UBE2G1: variants seen among roughly 807,000 people sequenced by gnomAD.
UBE2G1 encodes ubiquitin-conjugating enzyme E2 G1.
Under a neutral mutation model 22.7 loss-of-function variants are expected in UBE2G1, and 5 were observed. That is an observed-to-expected ratio of 0.22 (90% CI 0.12 to 0.46). The LOEUF is 0.46. Among genes scored for constraint, UBE2G1 ranks in the 20% least tolerant of loss-of-function variants. The pLI is 0.99. For synonymous variants in UBE2G1, 74 were observed against 67.5 expected (o/e 1.10, Z -0.47); for missense variants, 88 against 203.9 (o/e 0.43, Z 3.46).
At chr17:4,302,232 G>T in intron 2 of UBE2G1, 1 of 479,730 alleles carries the variant, frequency 2.1e-6, no homozygotes, top group Non-Finnish European at 4.2e-6. Flanking sequence ...TGTTGTATAT[G>T]TCGTTATCAG....
At chr17:4,312,104 C>T (rs556943192) in intron 1 of UBE2G1, among the ~76,000 whole-genome samples, 17 of 151,682 alleles carry the variant, frequency 1.1e-4, no homozygotes, top group African/African-American at 2.7e-4. Flanking sequence ...AAAAATTAGC[C>T]GGGTGGTGGT....
At chr17:4,294,415 C>CAAAAAAAAAAAAAAAAA (rs68047533) in intron 3 of UBE2G1, among the ~76,000 whole-genome samples, 1 of 117,178 alleles carries the variant, frequency 8.5e-6, no homozygotes, top group African/African-American at 4.4e-5. Context: ...GACTCCGTCT[C>CAAAAAAAAAAAAAAAAA]AAAAAAAAAA....
In UBE2G1 at chr17:4,331,009, T is replaced by C. The variant is rs111596770; in HGVS notation, c.47-23886A>G. Among the ~76,000 whole-genome samples the C allele has an allele frequency of 2.2e-3, 196 of 87,488 alleles. 1 individual carries two copies. The highest frequency in any genetic ancestry group is 0.014 in the African/African-American group (150 of 10,730). The allele number at this position is 87,488 out of a possible 152,430, so 57.4% of individuals were successfully genotyped here. A position where few individuals can be genotyped will look rare whatever the true frequency, so the allele number is the denominator to read the frequency against. On this transcript the variant is annotated intron_variant, in intron 1 of 5. Transcript: ENST00000396981. Reference sequence around the variant, plus strand: ...ACACACACACACACACACACACACATTCCAAACTGTCAAGGTGTTCACCTT... The same window carrying C: ...ACACACACACACACACACACACACACTCCAAACTGTCAAGGTGTTCACCTT...
chr17:4,337,685 G>T (rs1316716529), intron 1 of UBE2G1, among the ~76,000 whole-genome samples: 1 of 150,450 alleles, frequency 6.6e-6, no homozygotes, highest in African/African-American at 2.4e-5. Flanking sequence ...AAAATAAAAA[G>T]AAGAGAAAAA....
intron 1 of UBE2G1, among the ~76,000 whole-genome samples, chr17:4,329,544 A>G (rs1969544901): frequency 6.6e-6 from 1 of 150,728 alleles, no homozygotes. Context: ...GGTGAATGAG[A>G]CTCTGTCTCA....
At chr17:4,342,853 C>G (rs1174116477) in intron 1 of UBE2G1, among the ~76,000 whole-genome samples, 2 of 152,108 alleles carry the variant, frequency 1.3e-5, no homozygotes, top group Non-Finnish European at 2.9e-5. Context: ...TGTAAAAAAT[C>G]ACACAGCCTC....
rs2143660470 is a variant in UBE2G1 at position 4,271,664 on chromosome 17, G to A, written c.*890C>T. On this transcript the variant is annotated 3_prime_UTR_variant, in exon 6 of 6. Coordinates refer to ENST00000396981, the MANE Select transcript of UBE2G1 (RefSeq NM_003342.5). The stretch of plus-strand genomic sequence containing the variant: ...AAGTAGAAAGCCTGTAGCTGTGCAT[G>A]CTTCATTTATCCAACCTTAATACCA... 1 of 149,340 alleles carries A rather than the reference G, an allele frequency of 6.7e-6. No individual in the cohort carries two copies. 9.3% of individuals were successfully genotyped at this position (149,340 alleles called of 1,614,324 possible).
chr17:4,366,004 T>G (rs1262473440), intron 1 of UBE2G1, among the ~76,000 whole-genome samples: 1 of 151,600 alleles, frequency 6.6e-6, no homozygotes, highest in East Asian at 2.0e-4. Flanking sequence ...TACAGAACGG[T>G]GGGGGAGGGG....
chr17:4,325,097 C>CA (rs147404143), intron 1 of UBE2G1, among the ~76,000 whole-genome samples: 7,122 of 147,548 alleles, frequency 0.048, 608 homozygotes, highest in African/African-American at 0.17. Context: ...ACCAAACAAA[C>CA]AAAAAAAACA....
At chr17:4,344,919 A>AT (rs1969752502) in intron 1 of UBE2G1, among the ~76,000 whole-genome samples, 2 of 152,294 alleles carry the variant, frequency 1.3e-5, no homozygotes, top group South Asian at 4.1e-4. Context: ...AAAAATAAGT[A>AT]TTTTACCTGC....
At position 4,282,853 on chromosome 17, in the gene UBE2G1, T is replaced by C. The variant is rs1347683560; in HGVS notation, c.495A>G (p.Gln165=). The change falls in exon 5 of 6, where the codon CAA becomes CAG. Residue 165 remains glutamine, a synonymous_variant. Coordinates refer to ENST00000396981, the MANE Select transcript of UBE2G1 (RefSeq NM_003342.5). ...ATAAATGTCACTCAAAAGCAGTCTCTTGGCTTTTTCTTACACAGCGGGCAA... is the reference window on the plus strand; with the variant it reads ...ATAAATGTCACTCAAAAGCAGTCTCCTGGCTTTTTCTTACACAGCGGGCAA... ...RKVARCVRKS[Q]ETAFE is the part of the protein sequence containing the mutation. 2 of 1,613,034 alleles carry C rather than the reference T, an allele frequency of 1.2e-6. No homozygotes were observed. Among genetic ancestry groups the C allele is most frequent in the Middle Eastern group, 1.7e-4 (1 of 6,054 alleles).
At chr17:4,292,221 G>A (rs1969050283) in intron 3 of UBE2G1, among the ~76,000 whole-genome samples, 1 of 151,584 alleles carries the variant, frequency 6.6e-6, no homozygotes, top group Admixed American at 6.6e-5. Context: ...AGCTACTCGG[G>A]AGGCTGAGGC....
intron 3 of UBE2G1, 107 bp downstream of exon 3, chr17:4,296,610 A>G (rs1969115714): frequency 8.6e-7 from 1 of 1,168,740 alleles, no homozygotes; most frequent in African/African-American, 1.5e-5. Flanking sequence ...CAGTACAAAA[A>G]TGCCAAAGCA....
At chr17:4,309,898 A>G (rs552638308) in intron 1 of UBE2G1, among the ~76,000 whole-genome samples, 5 of 152,064 alleles carry the variant, frequency 3.3e-5, no homozygotes, top group Non-Finnish European at 7.4e-5. Flanking sequence ...ATTGCTTCTT[A>G]CTCTTGTCAA....
At chr17:4,302,150 T>C (rs1866176) in intron 2 of UBE2G1, 321,629 of 515,648 alleles carry the variant, frequency 0.62, 105,835 homozygotes, top group East Asian at 0.8. Flanking sequence ...TGTTCCCTTT[T>C]ATTGGACTTG....
intron 1 of UBE2G1, among the ~76,000 whole-genome samples, chr17:4,343,472 C>T (rs904445046): frequency 6.6e-6 from 1 of 152,058 alleles, no homozygotes; most frequent in Non-Finnish European, 1.5e-5. Context: ...ACACTGGACT[C>T]CAGCCTGGAT....
intron 2 of UBE2G1, among the ~76,000 whole-genome samples, chr17:4,303,062 T>C (rs1056395223): frequency 2.0e-5 from 3 of 151,988 alleles, no homozygotes; most frequent in African/African-American, 7.3e-5. Context: ...TTCTTTATCT[T>C]ACAGCAGAAA....
In UBE2G1 at chr17:4,289,224, C is replaced by T. The variant is rs375033776; in HGVS notation, c.426+6G>A. 1 of 1,541,064 alleles carries T rather than the reference C, an allele frequency of 6.5e-7. No homozygotes were observed. Among genetic ancestry groups the T allele is most frequent in the Non-Finnish European group, 8.8e-7 (1 of 1,142,498 alleles). On this transcript the variant is annotated splice_donor_region_variant and intron_variant, in intron 4 of 5. Transcript: ENST00000396981. The stretch of plus-strand genomic sequence containing the variant: ...GAAGGGAAGGGAAGACGTGTGACCA[C>T]CTTACCGCAGCATCAACATTAGCAG...
chr17:4,284,263 T>C (rs1474549188), intron 4 of UBE2G1, among the ~76,000 whole-genome samples: 3 of 151,520 alleles, frequency 2.0e-5, no homozygotes, highest in African/African-American at 7.3e-5. Context: ...CCCAAAATAA[T>C]AATATATAAA....
Sources: allele counts gnomAD v4.1 joint callset (sites outside exome capture counted in the v4.1 genomes callset), GRCh38; gene constraint gnomAD v4.1.1; transcripts MANE v1.5; gene names NCBI Gene and HGNC (gene_info 2026-07-23, HGNC 2026-07-21).